Variants in TPO observed in about 807,000 individuals in gnomAD.
TPO encodes the protein thyroid peroxidase.
In TPO, 78 loss-of-function variants were observed where a neutral mutation model predicts 96.9. The ratio of observed to expected loss-of-function variants is 0.81; its 90% CI spans 0.67 to 0.97. The LOEUF (loss-of-function observed/expected upper bound fraction) is 0.97, where lower values mean the gene tolerates loss of function less well. Ranked by LOEUF, TPO falls within the 50% of genes least tolerant of loss-of-function variation. The pLI is 0.00. For synonymous variants in TPO, 547 were observed against 538.0 expected, an observed-to-expected ratio of 1.02 and a Z score of -0.23; for missense variants, 1,252 against 1,274.8, an observed-to-expected ratio of 0.98 and a Z score of 0.27.
At chr2:1,382,375 C>T (rs1661823790) in intron 1 of TPO, among the ~76,000 whole-genome samples, 1 of 152,150 alleles carries the variant, frequency 6.6e-6, no homozygotes, top group Non-Finnish European at 1.5e-5. Flanking sequence ...ACACAGAAAC[C>T]CCAAGGCCAC....
intron 13 of TPO, among the ~76,000 whole-genome samples, chr2:1,500,484 G>A (rs973825640): frequency 2.6e-5 from 4 of 152,148 alleles, no homozygotes; most frequent in Non-Finnish European, 5.9e-5. Context: ...GAAACTTTAC[G>A]TTTATGGTAA....
intron 15 of TPO, among the ~76,000 whole-genome samples, chr2:1,538,093 CCACTGTGTGCAACCTCCTCAAATCCCCG>C (rs1487846937): frequency 9.9e-5 from 11 of 110,654 alleles, no homozygotes; most frequent in South Asian, 2.5e-4. Flanking sequence ...CAAATCCTCC[CCACTGTGTGCAACCTCCTCAAATCCCCG>C]CACTGTGTTC....
rs866218881 is a variant in TPO at position 1,398,293 on chromosome 2, C to T, written n.180+23891C>T. On this transcript the variant is annotated intron_variant and non_coding_transcript_variant, in intron 1 of 5. Coordinates refer to the TPO transcript ENST00000497517. ...TGTATCCTGCAGGCAGCCTGGGGCC[C>T]ATCTCCTGACTGCCGCGCTGCCCAC... 5.3e-5 allele frequency among the ~76,000 whole-genome samples: 8 copies of T among 152,170 alleles called. No homozygotes were observed. In the South Asian group the frequency reaches 1.4e-3, roughly 28 times the overall value.
intron 15 of TPO, among the ~76,000 whole-genome samples, chr2:1,527,978 CAACCTCCTCAAATCCCCCCAATGTGAGG>C (rs1677021184): frequency 7.0e-6 from 1 of 142,170 alleles, no homozygotes; most frequent in Non-Finnish European, 1.5e-5. Flanking sequence ...CCACTGCGTG[CAACCTCCTCAAATCCCCCCAATGTGAGG>C]AACCTCCTCA....
Position 1,484,740 on chromosome 2 carries a change from G to A in TPO, c.1483G>A (p.Ala495Thr), listed in dbSNP as rs28910612. ...FSTAAFRFGH[A>T]TIHPLVRRLD... ...CACAGCCGCCTTCCGCTTCGGCCAT[G>A]CCACGATCCACCCGCTGGTGAGGAG... Residue 495 changes from alanine (A) to threonine (T), a missense_variant, in exon 9 of 17, where the codon GCC (alanine) becomes ACC (threonine). Physicochemically the swap from Ala to Thr is moderately conservative, Grantham distance 58 (BLOSUM62 0). Transcript: ENST00000329066. 3.3e-4 allele frequency: 531 copies of A among 1,614,070 alleles called. 2 individuals are homozygous for A. The African/African-American group carries it at 6.3e-3, about 19-fold the overall frequency.
chr2:1,461,665 C>T (rs1033787964), intron 7 of TPO, among the ~76,000 whole-genome samples: 15 of 152,114 alleles, frequency 9.9e-5, no homozygotes, highest in South Asian at 2.1e-4. Flanking sequence ...CCTGTGTGCA[C>T]GCCCTTGTGC....
Position 1,477,433 on chromosome 2 carries a change from C to A in TPO, c.1167C>A (p.Cys389Ter). 2 of 1,523,142 alleles carry A rather than the reference C, an allele frequency of 1.3e-6. No individual in the cohort carries two copies. The highest frequency in any genetic ancestry group is 1.8e-6 in the Non-Finnish European group (2 of 1,139,692). 94.4% of individuals were successfully genotyped at this position (1,523,142 alleles called of 1,614,324 possible). ...TCCCCGGAGAGACCCGCGGGCCCTG[C>A]TTCCTGGCCGGAGACGGCCGCGCCA... ...PGIPGETRGP[C>*]FLAGDGRASE... The change falls in exon 8 of 17, where the codon TGC becomes TGA. Residue 389 changes from cysteine to a stop codon, truncating the protein, a stop_gained. Transcript: ENST00000329066. LOFTEE classifies it high-confidence loss of function.
chr2:1,515,651 T>C (rs915946376), intron 14 of TPO, among the ~76,000 whole-genome samples: 3 of 152,144 alleles, frequency 2.0e-5, no homozygotes, highest in Non-Finnish European at 4.4e-5. Flanking sequence ...ACACGACCTG[T>C]GTCCGGGCTG....
At chr2:1,485,116 C>T (rs1382662867) in intron 9 of TPO, among the ~76,000 whole-genome samples, 1 of 150,562 alleles carries the variant, frequency 6.6e-6, no homozygotes, top group East Asian at 2.0e-4. Flanking sequence ...CATGTGTTCT[C>T]ATTGTTCAAT....
intron 15 of TPO, among the ~76,000 whole-genome samples, chr2:1,529,427 G>C (rs1474515822): frequency 1.2e-5 from 1 of 86,702 alleles, no homozygotes; most frequent in Non-Finnish European, 2.0e-5. Context: ...CCCCCACTGT[G>C]AGCAACCTTC....
At chr2:1,439,725 G>A (rs1414423643) in intron 5 of TPO, among the ~76,000 whole-genome samples, 1 of 151,998 alleles carries the variant, frequency 6.6e-6, no homozygotes, top group Non-Finnish European at 1.5e-5. Flanking sequence ...TCACCATGTT[G>A]CTGAGTAATG....
At chr2:1,479,144 G>A (rs529377442) in intron 8 of TPO, among the ~76,000 whole-genome samples, 13 of 152,358 alleles carry the variant, frequency 8.5e-5, no homozygotes, top group East Asian at 3.9e-4. Context: ...GCTGCTGAGC[G>A]GTGGAATCCA....
chr2:1,479,544 C>G (rs906824713), intron 8 of TPO, among the ~76,000 whole-genome samples: 4 of 152,206 alleles, frequency 2.6e-5, no homozygotes, highest in African/African-American at 9.7e-5. Flanking sequence ...AGCCCGTTCA[C>G]AGAGCGGGAA....
intron 15 of TPO, among the ~76,000 whole-genome samples, chr2:1,526,862 A>G (rs1573562667): frequency 1.6e-5 from 2 of 125,494 alleles, no homozygotes; most frequent in South Asian, 5.4e-4. Context: ...AACCTCCCCA[A>G]ATCCCCTGCT....
chr2:1,474,082 T>C (rs1669684958), intron 7 of TPO, among the ~76,000 whole-genome samples: 1 of 152,238 alleles, frequency 6.6e-6, no homozygotes, highest in African/African-American at 2.4e-5. Flanking sequence ...TGCTAGTCCT[T>C]AATTTTAAAT....
chr2:1,536,762 A>C (rs1430491972), intron 15 of TPO, among the ~76,000 whole-genome samples: 5 of 62,502 alleles, frequency 8.0e-5, no homozygotes, highest in Non-Finnish European at 1.2e-4. Context: ...CCAAATCCCC[A>C]TCACTCTGTG....
chr2:1,532,654 C>G (rs1238994775), intron 15 of TPO, among the ~76,000 whole-genome samples: 1 of 28,640 alleles, frequency 3.5e-5, no homozygotes, highest in Non-Finnish European at 5.9e-5. Context: ...CCAAACCCCC[C>G]CAACTGTGTA....
intron 1 of TPO, chr2:1,413,839 A>C: frequency 1.6e-6 from 1 of 631,090 alleles, no homozygotes; most frequent in Non-Finnish European, 2.0e-6. Context: ...ATAGCCACAG[A>C]AAGCCTAAGA....
intron 14 of TPO, among the ~76,000 whole-genome samples, chr2:1,505,089 G>A (rs995808123): frequency 6.6e-6 from 1 of 152,212 alleles, no homozygotes; most frequent in Non-Finnish European, 1.5e-5. Context: ...ACAAGGGCCA[G>A]GGTCAAGGCC....
Sources: allele counts gnomAD v4.1 joint callset (sites outside exome capture counted in the v4.1 genomes callset), GRCh38; gene constraint gnomAD v4.1.1; transcripts MANE v1.5; gene names NCBI Gene and HGNC (gene_info 2026-07-23, HGNC 2026-07-21).